WWOX: variants seen among roughly 807,000 people sequenced by gnomAD.
WWOX encodes WW domain containing oxidoreductase.
In WWOX, 69 loss-of-function variants were observed where a neutral mutation model predicts 46.2. That is an observed-to-expected ratio of 1.49 (90% CI 1.23 to 1.82). WWOX has a LOEUF of 1.82. Among genes scored for constraint, WWOX ranks in the 40% most tolerant of loss-of-function variants. The pLI is 0.00. For synonymous variants in WWOX, 359 were observed against 202.6 expected (o/e 1.77, Z -6.56); for missense variants, 919 against 542.6 (o/e 1.69, Z -6.89).
intron 5 of WWOX, 82 bp from the exon 6 acceptor site, chr16:78,386,778 C>T (rs1241941106): frequency 8.1e-7 from 1 of 1,236,060 alleles, no homozygotes; most frequent in Non-Finnish European, 1.2e-6. Context: ...CCGACATGTT[C>T]CATAACACAT....
At chr16:78,859,053 T>A (rs191821891) in intron 8 of WWOX, among the ~76,000 whole-genome samples, 4 of 56,564 alleles carry the variant, frequency 7.1e-5, no homozygotes, top group African/African-American at 2.1e-4. Flanking sequence ...TATATATGTA[T>A]ATATATATAT....
intron 8 of WWOX, among the ~76,000 whole-genome samples, chr16:78,606,337 A>G (rs2045755910): frequency 6.6e-6 from 1 of 152,158 alleles, no homozygotes; most frequent in Non-Finnish European, 1.5e-5. Context: ...TATAAGAAGG[A>G]TGCTATTTAC....
intron 4 of WWOX, among the ~76,000 whole-genome samples, chr16:78,129,149 G>A (rs1203748504): frequency 1.3e-5 from 2 of 152,132 alleles, no homozygotes; most frequent in African/African-American, 4.8e-5. Flanking sequence ...TCCTCCCAGG[G>A]TTAGCGTCGC....
At chr16:78,754,595 T>G (rs1397372308) in intron 8 of WWOX, among the ~76,000 whole-genome samples, 1 of 152,182 alleles carries the variant, frequency 6.6e-6, no homozygotes, top group Non-Finnish European at 1.5e-5. Context: ...ATCAACCAGT[T>G]GCAGTCTTTG....
chr16:78,581,026 C>T (rs2045038499), intron 8 of WWOX, among the ~76,000 whole-genome samples: 1 of 152,112 alleles, frequency 6.6e-6, no homozygotes, highest in East Asian at 1.9e-4. Context: ...TGACTTTAAT[C>T]ATATGAAAAT....
chr16:79,079,759 T>C (rs1379657932), intron 8 of WWOX, among the ~76,000 whole-genome samples: 1 of 152,204 alleles, frequency 6.6e-6, no homozygotes, highest in African/African-American at 2.4e-5. Context: ...AACTATATCA[T>C]TATTTTGCAG....
chr16:78,880,709 C>G (rs1344702771), intron 8 of WWOX, among the ~76,000 whole-genome samples: 1 of 152,190 alleles, frequency 6.6e-6, no homozygotes, highest in Non-Finnish European at 1.5e-5. Context: ...TCTGAGAGTT[C>G]ACATAAGTGT....
intron 8 of WWOX, among the ~76,000 whole-genome samples, chr16:79,083,908 C>T (rs754084333): frequency 6.6e-6 from 1 of 152,166 alleles, no homozygotes; most frequent in African/African-American, 2.4e-5. Context: ...CATCTTCCTG[C>T]GGTGGGTTTC....
At chr16:78,863,817 A>G (rs2043944938) in intron 8 of WWOX, among the ~76,000 whole-genome samples, 1 of 152,198 alleles carries the variant, frequency 6.6e-6, no homozygotes, top group African/African-American at 2.4e-5. Flanking sequence ...TGGCTCTCAA[A>G]AAACTATGTC....
chr16:79,097,922 A>C (rs1178434305), intron 8 of WWOX, among the ~76,000 whole-genome samples: 3 of 152,184 alleles, frequency 2.0e-5, no homozygotes, highest in African/African-American at 7.2e-5. Flanking sequence ...CATTACAGGC[A>C]AAATGATAAG....
intron 8 of WWOX, among the ~76,000 whole-genome samples, chr16:78,819,807 T>C (rs2051443047): frequency 1.3e-5 from 2 of 152,216 alleles, no homozygotes; most frequent in South Asian, 4.1e-4. Context: ...AGCTTGGCAA[T>C]ATCTCTGATG....
chr16:78,471,933 C>A (rs1031636168), intron 8 of WWOX, among the ~76,000 whole-genome samples: 1 of 152,072 alleles, frequency 6.6e-6, no homozygotes, highest in Admixed American at 6.5e-5. Flanking sequence ...TTTGATTCTA[C>A]ACATACTTCA....
chr16:78,389,022 C>G (rs1350517699), intron 6 of WWOX, among the ~76,000 whole-genome samples: 2 of 151,988 alleles, frequency 1.3e-5, no homozygotes, highest in East Asian at 1.9e-4. Flanking sequence ...GTCAGTGTCC[C>G]AAGTCACTGA....
At chr16:78,797,878 C>G (rs954856955) in intron 8 of WWOX, among the ~76,000 whole-genome samples, 2 of 152,168 alleles carry the variant, frequency 1.3e-5, no homozygotes, top group African/African-American at 4.8e-5. Context: ...GTCCTAGCTA[C>G]TCAAGAGGCT....
intron 8 of WWOX, among the ~76,000 whole-genome samples, chr16:78,727,190 G>C (rs1234693432): frequency 1.3e-5 from 2 of 152,186 alleles, no homozygotes; most frequent in Non-Finnish European, 2.9e-5. Flanking sequence ...CTTGAGGTCA[G>C]GAGTTTGAGA....
At chr16:78,108,176 T>G (rs2032271828) in intron 1 of WWOX, among the ~76,000 whole-genome samples, 1 of 151,162 alleles carries the variant, frequency 6.6e-6, no homozygotes, top group South Asian at 2.1e-4. Context: ...TCTGCTCCCC[T>G]AGGGCTCCCA....
At chr16:78,659,966 G>C (rs2142168375) in intron 8 of WWOX, among the ~76,000 whole-genome samples, 1 of 152,244 alleles carries the variant, frequency 6.6e-6, no homozygotes, top group South Asian at 2.1e-4. Context: ...GCAAAAAAAA[G>C]CCCAGTAATT....
chr16:78,975,914 C>T (rs2046563203), intron 8 of WWOX, among the ~76,000 whole-genome samples: 1 of 152,212 alleles, frequency 6.6e-6, no homozygotes, highest in Admixed American at 6.5e-5. Context: ...GTCACCCCCT[C>T]TTCCACCCTT....
chr16:78,163,053 A>G (rs770482885), intron 4 of WWOX, among the ~76,000 whole-genome samples: 4 of 152,188 alleles, frequency 2.6e-5, no homozygotes, highest in Non-Finnish European at 4.4e-5. Flanking sequence ...CTGTTTCTGA[A>G]TAACTTGATT....
Sources: allele counts gnomAD v4.1 joint callset (sites outside exome capture counted in the v4.1 genomes callset), GRCh38; gene constraint gnomAD v4.1.1; transcripts MANE v1.5; gene names NCBI Gene and HGNC (gene_info 2026-07-23, HGNC 2026-07-21).